Variants in ATP10B observed in about 807,000 individuals in gnomAD.
ATP10B encodes ATPase phospholipid transporting 10B (putative).
A neutral mutation model predicts 141.2 loss-of-function variants in ATP10B; 122 were observed. The ratio of observed to expected loss-of-function variants is 0.86; its 90% confidence interval spans 0.75 to 1.00. The LOEUF is 1.00. ATP10B is among the 50% of genes least tolerant of loss of function. The pLI, the probability that ATP10B is intolerant of heterozygous loss-of-function variation, is 0.00. For synonymous variants in ATP10B, 685 were observed against 692.0 expected, an observed-to-expected ratio of 0.99 and a Z score of 0.16; for missense variants, 1,876 against 1,825.3, an observed-to-expected ratio of 1.03 and a Z score of -0.51.
chr5:160,725,352 T>C (rs1254535553), intron 2 of ATP10B, among the ~76,000 whole-genome samples: 2 of 152,212 alleles, frequency 1.3e-5, no homozygotes, highest in African/African-American at 4.8e-5. Context: ...TGGGGAAAAC[T>C]ACCTTCTTCA....
At chr5:160,919,420 T>A in the ATP10B span, among the ~76,000 whole-genome samples, 2 of 151,936 alleles carry the variant, frequency 1.3e-5, no homozygotes, top group Non-Finnish European at 2.9e-5. Flanking sequence ...AAGCAAGTAC[T>A]CAATCCAGTG....
the ATP10B span, among the ~76,000 whole-genome samples, chr5:160,927,295 G>A: frequency 2.0e-5 from 3 of 152,150 alleles, no homozygotes; most frequent in Non-Finnish European, 4.4e-5. Flanking sequence ...TTCTGAAATT[G>A]TATTGGCATG....
At chr5:160,652,944 TATAATATATTATATATAC>T (rs1561702271) in intron 7 of ATP10B, among the ~76,000 whole-genome samples, 1 of 89,594 alleles carries the variant, frequency 1.1e-5, no homozygotes, top group Non-Finnish European at 1.9e-5. Context: ...TACATGTATA[TATAATATATTATATATAC>T]ATGTATATAT....
chr5:160,620,414 G>A lies in ATP10B; in HGVS notation c.2349C>T (p.Gly783=), dbSNP rs1290993703. ...CACCCTTGGTGTAGACAACAATCTC[G>A]CCAGTCAGTGGGTGCCTCACAACCA... is the stretch of plus-strand genomic sequence containing the variant. ...MSVVVRHPLT[G]EIVVYTKGAD... The change falls in exon 15 of 26, where the codon GGC becomes GGT. Residue 783 remains glycine (G), a synonymous_variant. Coordinates refer to ENST00000327245, the MANE Select transcript of ATP10B (RefSeq NM_025153.3). 6.8e-6 allele frequency: 11 copies of A among 1,614,034 alleles called. No individual in the cohort carries two copies. The highest frequency in any genetic ancestry group is 7.6e-6 in the Non-Finnish European group (9 of 1,180,024).
chr5:160,648,167 G>T (rs1760430314), intron 8 of ATP10B, among the ~76,000 whole-genome samples: 1 of 152,158 alleles, frequency 6.6e-6, no homozygotes, highest in Non-Finnish European at 1.5e-5. Context: ...CGCTTTCTGG[G>T]GTTGTTGTGA....
At chr5:160,910,079 A>T in the ATP10B span, among the ~76,000 whole-genome samples, 1 of 151,960 alleles carries the variant, frequency 6.6e-6, no homozygotes, top group Non-Finnish European at 1.5e-5. Flanking sequence ...GTCTCTGCTC[A>T]TTTCTCTCCT....
chr5:160,738,166 A>G (rs1018949080), intron 2 of ATP10B, among the ~76,000 whole-genome samples: 4 of 152,096 alleles, frequency 2.6e-5, no homozygotes, highest in African/African-American at 9.7e-5. Context: ...TTTGAAAATT[A>G]AACAATCTAC....
chr5:160,911,362 T>A, the ATP10B span, among the ~76,000 whole-genome samples: 3 of 152,152 alleles, frequency 2.0e-5, no homozygotes, highest in Non-Finnish European at 4.4e-5. Context: ...CTAAAAAGGA[T>A]AAACATGAGC....
chr5:160,895,187 C>A, the ATP10B span, among the ~76,000 whole-genome samples: 2 of 151,820 alleles, frequency 1.3e-5, no homozygotes, highest in African/African-American at 4.8e-5. Flanking sequence ...ATGACAGGAT[C>A]AAATTCACAC....
chr5:160,856,284 T>A (rs568647146), upstream of ATP10B, among the ~76,000 whole-genome samples: 8 of 151,946 alleles, frequency 5.3e-5, no homozygotes, highest in South Asian at 1.2e-3. Flanking sequence ...ATGAGTCCTG[T>A]ACACATTTTG....
At chr5:160,572,026 C>T (rs906219701) in intron 24 of ATP10B, among the ~76,000 whole-genome samples, 1 of 152,128 alleles carries the variant, frequency 6.6e-6, no homozygotes, top group African/African-American at 2.4e-5. Flanking sequence ...GTATTGATTT[C>T]TGAAACTTTT....
At chr5:160,640,754 C>A (rs1759796351) in intron 9 of ATP10B, among the ~76,000 whole-genome samples, 162 bp from the exon 10 acceptor site, 1 of 152,174 alleles carries the variant, frequency 6.6e-6, no homozygotes, top group Non-Finnish European at 1.5e-5. Flanking sequence ...GCTGTAGGGG[C>A]CTCACATAAT....
chr5:160,688,046 T>A lies in ATP10B; in HGVS notation c.29A>T (p.His10Leu). Reference sequence around the variant, plus strand: ...ATCTCTGACTCTCCACTGCCACCGATGCCACGATGAGTCCACTGAGAGGGC... The same window carrying A: ...ATCTCTGACTCTCCACTGCCACCGAAGCCACGATGAGTCCACTGAGAGGGC... MALSVDSSW[H>L]RWQWRVRDGF... Residue 10 changes from histidine (H) to leucine (L), a missense_variant, in exon 5 of 26, where the codon CAT becomes CTT. By Grantham distance (99) the His-to-Leu change is moderately conservative. Transcript: ENST00000327245. 1 of 1,613,484 alleles carries A rather than the reference T, an allele frequency of 6.2e-7. No individual in the cohort carries two copies. Among genetic ancestry groups the A allele is most frequent in the Non-Finnish European group, 8.5e-7 (1 of 1,179,922 alleles).
At chr5:160,891,002 CGTGTGTGT>C in the ATP10B span, among the ~76,000 whole-genome samples, 1 of 151,062 alleles carries the variant, frequency 6.6e-6, no homozygotes, top group Non-Finnish European at 1.5e-5. Flanking sequence ...TATGTGTGTG[CGTGTGTGT>C]GTGTGTGTGT....
chr5:160,613,545 G>A (rs1757840199), intron 17 of ATP10B, among the ~76,000 whole-genome samples: 1 of 152,194 alleles, frequency 6.6e-6, no homozygotes, highest in African/African-American at 2.4e-5. Context: ...TGGAAAAGCA[G>A]GATGAGATTC....
At chr5:160,781,489 G>A (rs535493729) in intron 2 of ATP10B, among the ~76,000 whole-genome samples, 1 of 152,128 alleles carries the variant, frequency 6.6e-6, no homozygotes, top group Non-Finnish European at 1.5e-5. Context: ...AGTGAGTTAG[G>A]GAAATTGAAA....
At chr5:160,811,031 G>C (rs77871112) in intron 1 of ATP10B, among the ~76,000 whole-genome samples, 2,028 of 152,288 alleles carry the variant, frequency 0.013, 21 homozygotes, top group Non-Finnish European at 0.02. Flanking sequence ...CGCTTTGCAG[G>C]ACCCAGCTCT....
Position 160,797,344 on chromosome 5 carries a change from A to G in ATP10B, c.-575-11541T>C, listed in dbSNP as rs561732646. On this transcript the variant is annotated intron_variant, in intron 1 of 25. Transcript: ENST00000327245. ...CCAGCTCCCCTTTTGCTCTGAAAGC[A>G]GCTTTGCAAGTTTATCCCCACCTGT... is the stretch of plus-strand genomic sequence containing the variant. Among the ~76,000 whole-genome samples, 3 of 152,284 alleles carry G rather than the reference A, an allele frequency of 2.0e-5. No homozygotes were observed. The East Asian group carries it at 5.8e-4, about 29-fold the overall frequency.
At chr5:160,789,367 C>CCT (rs1771403645) in intron 1 of ATP10B, among the ~76,000 whole-genome samples, 1 of 152,114 alleles carries the variant, frequency 6.6e-6, no homozygotes, top group Non-Finnish European at 1.5e-5. Context: ...GATGGTAAAG[C>CCT]CTACTCTACG....
Sources: allele counts gnomAD v4.1 joint callset (sites outside exome capture counted in the v4.1 genomes callset), GRCh38; gene constraint gnomAD v4.1.1; transcripts MANE v1.5; gene names NCBI Gene and HGNC (gene_info 2026-07-23, HGNC 2026-07-21).